Variants in PROCA1 observed in about 807,000 individuals in gnomAD.
PROCA1 encodes the protein protein interacting with cyclin A1.
A neutral mutation model predicts 23.2 loss-of-function variants in PROCA1; 22 were observed. The ratio of observed to expected loss-of-function variants is 0.95; its 90% CI spans 0.68 to 1.35. The LOEUF is 1.35. Ranked by LOEUF, PROCA1 falls within the 40% of genes most tolerant of loss-of-function variation. The pLI is 0.00. For missense variants in PROCA1, 469 were observed against 459.8 expected, an observed-to-expected ratio of 1.02 and a Z score of -0.18; for synonymous variants, 182 against 179.2, an observed-to-expected ratio of 1.02 and a Z score of -0.12.
At chr17:28,711,403 C>T in intron 1 of PROCA1, 167 bp downstream of exon 1, 2 of 501,614 alleles carry the variant, frequency 4.0e-6, no homozygotes, top group Non-Finnish European at 6.2e-6. Context: ...CCGCCCCCGG[C>T]CCTAGCTCCG....
chr17:28,703,341 G>T lies in PROCA1; in HGVS notation c.*217C>A. On this transcript the variant is annotated 3_prime_UTR_variant, in exon 5 of 5. Coordinates refer to ENST00000682792, the MANE Select transcript of PROCA1 (RefSeq NM_001366301.1). ...AGATACACTCTTCCACCTTGTCCTA[G>T]CAGGTAGGAAGAAATAGGGCTGTGC... 1 of 580,438 alleles carries T rather than the reference G, an allele frequency of 1.7e-6. No homozygotes were observed. The highest frequency in any genetic ancestry group is 2.9e-5 in the East Asian group (1 of 34,778). 36.0% of individuals were successfully genotyped at this position (580,438 alleles called of 1,614,324 possible). A position where few individuals can be genotyped will look rare whatever the true frequency, so the allele number is the denominator to read the frequency against.
At chr17:28,708,731 G>GAAAAAAAAAAAAAC (rs2032639794) in intron 1 of PROCA1, among the ~76,000 whole-genome samples, 1 of 100,980 alleles carries the variant, frequency 9.9e-6, no homozygotes, top group African/African-American at 3.7e-5. Context: ...CCAGAAAAAG[G>GAAAAAAAAAAAAAC]AAAAAAAAAA....
In PROCA1 at chr17:28,711,215, C is replaced by T. The variant is rs78189416; in HGVS notation, c.91+355G>A. 6,403 of 1,105,566 alleles carry T rather than the reference C, an allele frequency of 5.8e-3. 25 individuals carry two copies. Among genetic ancestry groups the T allele is most frequent in the Non-Finnish European group, 6.7e-3 (5,799 of 867,020 alleles). The allele number at this position is 1,105,566 out of a possible 1,614,324, so 68.5% of individuals were successfully genotyped here. Reference sequence around the variant, plus strand: ...CCCGGCGTCCGGGTGGGCGCTGGTCCACGGGCTCCAGCCAAGGCCGGCGCT... The same window carrying T: ...CCCGGCGTCCGGGTGGGCGCTGGTCTACGGGCTCCAGCCAAGGCCGGCGCT... On this transcript the variant is annotated intron_variant, in intron 1 of 4. Coordinates refer to ENST00000682792, the MANE Select transcript of PROCA1 (RefSeq NM_001366301.1).
chr17:28,709,121 G>C (rs949746862), intron 1 of PROCA1, among the ~76,000 whole-genome samples: 2 of 152,334 alleles, frequency 1.3e-5, no homozygotes, highest in African/African-American at 2.4e-5. Flanking sequence ...GTAGAAGTAG[G>C]ATTCAAACCC....
intron 2 of PROCA1, chr17:28,706,401 G>A (rs2032475840): frequency 4.6e-6 from 1 of 215,130 alleles, no homozygotes; most frequent in African/African-American, 2.3e-5. Flanking sequence ...CACAAAATGG[G>A]ATGGTGGTCA....
rs1301436127 is a variant in PROCA1 at position 28,704,297 on chromosome 17, GCTCA to G, written c.440+6_440+9del. 6.2e-7 allele frequency: 1 copy of G among 1,608,812 alleles called. No individual in the cohort carries two copies. The highest frequency in any genetic ancestry group is 2.2e-5 in the East Asian group (1 of 44,822). On this transcript the variant is annotated splice_donor_region_variant and intron_variant, in intron 4 of 4. Coordinates refer to ENST00000682792, the MANE Select transcript of PROCA1 (RefSeq NM_001366301.1). ...GCCCCTTCCCCATCAGCCCACCGGG[GCTCA>G]CTCACCAGCCATACCGGAATCGCTC...
chr17:28,704,067 C>T lies in PROCA1; in HGVS notation c.586G>A (p.Ala196Thr), dbSNP rs745819940. ...ATGCTGGTGCCTAGGTCAGGGGAGG[C>T]GGTGGCGGGCCCCACCTGTGTCGGG... The part of the protein sequence containing the change: ...PIPTQVGPAT[A>T]SPDLGTSMAT... The change falls in exon 5 of 5, where the codon GCC (alanine) becomes ACC (threonine). Residue 196 changes from alanine (A) to threonine (T), a missense_variant. By Grantham distance (58) the Ala-to-Thr change is moderately conservative (BLOSUM62 0). Transcript: ENST00000682792. 1.2e-5 allele frequency: 19 copies of T among 1,599,884 alleles called. No individual in the cohort carries two copies. Among genetic ancestry groups the T allele is most frequent in the African/African-American group, 2.7e-5 (2 of 73,970 alleles).
intron 1 of PROCA1, 78 bp from the exon 2 acceptor site, chr17:28,706,841 C>T (rs958904185): frequency 1.6e-5 from 20 of 1,284,606 alleles, no homozygotes; most frequent in Middle Eastern, 2.1e-4. Flanking sequence ...CCCCGAGAAA[C>T]TCCACATGTC....
At chr17:28,706,605 A>G in intron 2 of PROCA1, 75 bp downstream of exon 2, 1 of 1,090,844 alleles carries the variant, frequency 9.2e-7, no homozygotes, top group Non-Finnish European at 1.3e-6. Flanking sequence ...CTCAGGACCA[A>G]GCTTCCACCA....
intron 1 of PROCA1, chr17:28,711,126 C>T: frequency 3.4e-6 from 4 of 1,184,034 alleles, no homozygotes; most frequent in Non-Finnish European, 2.1e-6. Flanking sequence ...AATTGTGATG[C>T]CACGGGTGGA....
At chr17:28,708,731 G>GAAAAAAAAAAAAAAA (rs557817689) in intron 1 of PROCA1, among the ~76,000 whole-genome samples, 84 of 100,964 alleles carry the variant, frequency 8.3e-4, no homozygotes, top group African/African-American at 2.1e-3. Context: ...CCAGAAAAAG[G>GAAAAAAAAAAAAAAA]AAAAAAAAAA....
At chr17:28,710,821 T>A (rs1019235557) in intron 1 of PROCA1, 170 of 1,304,050 alleles carry the variant, frequency 1.3e-4, no homozygotes, top group Non-Finnish European at 1.7e-4. Flanking sequence ...TTATGGCGTC[T>A]TTCCCCGTGA....
intron 1 of PROCA1, 57 bp downstream of exon 1, chr17:28,711,513 T>C (rs1332174296): frequency 1.4e-6 from 2 of 1,447,106 alleles, no homozygotes; most frequent in African/African-American, 2.9e-5. Flanking sequence ...CGTGCGCCGC[T>C]CGGGGTCTGC....
In PROCA1 at chr17:28,703,984, G is replaced by C; in HGVS notation, c.669C>G (p.Pro223=). The part of the protein sequence containing the change: ...APITIWRSES[P]TGKGQGSKVI... ...CCTTGCTGCCCTGACCCTTCCCTGTGGGGCTCTCAGAGCGCCAGATGGTGA... is the reference window on the plus strand; with the variant it reads ...CCTTGCTGCCCTGACCCTTCCCTGTCGGGCTCTCAGAGCGCCAGATGGTGA... Residue 223 remains proline (P), a synonymous_variant, in exon 5 of 5, where the codon CCC becomes CCG. Coordinates refer to ENST00000682792, the MANE Select transcript of PROCA1 (RefSeq NM_001366301.1). 6.2e-7 allele frequency: 1 copy of C among 1,610,324 alleles called. No homozygotes were observed. The highest frequency in any genetic ancestry group is 8.5e-7 in the Non-Finnish European group (1 of 1,178,460).
intron 1 of PROCA1, chr17:28,710,810 C>CT (rs1184225547): frequency 7.7e-7 from 1 of 1,303,974 alleles, no homozygotes; most frequent in Admixed American, 2.3e-5. Context: ...AAGTGGGAGG[C>CT]TTATGGCGTC....
In PROCA1 at chr17:28,703,667, C is replaced by T. The variant is rs747419432; in HGVS notation, c.986G>A (p.Arg329Lys). The change falls in exon 5 of 5, where the codon AGG becomes AAG. Residue 329 changes from arginine to lysine, a missense_variant. Arg to Lys is a conservative substitution (Grantham distance 26). Transcript: ENST00000682792. ...GGCCTGGACTGTGTTCTCTCTCTTCCTGGGCGATGATGATTCCACAATATC... is the reference window on the plus strand; with the variant it reads ...GGCCTGGACTGTGTTCTCTCTCTTCTTGGGCGATGATGATTCCACAATATC... The part of the protein sequence containing the change: ...SEDIVESSSP[R>K]KRENTVQAKK... The T allele has an allele frequency of 1.1e-5, 17 of 1,614,108 alleles. No homozygotes were observed. The highest frequency in any genetic ancestry group is 2.2e-5 in the East Asian group (1 of 44,890).
rs1207660208 is a variant in PROCA1, at chr17:28,703,560, AACTGAGGTTG to A, written c.1083_1092del (p.Asn362GlufsTer74). Reference sequence around the variant, plus strand: ...TCTGCACCCTGACCACCCTGGCCTCAACTGAGGTTGGGGTTTGATCCTGGGGGAGATTTTC... The same window carrying A: ...TCTGCACCCTGACCACCCTGGCCTCAGGGTTTGATCCTGGGGGAGATTTTC... On this transcript the variant is annotated frameshift_variant, in exon 5 of 5. Transcript: ENST00000682792. LOFTEE classifies it high-confidence loss of function. 1 of 1,613,034 alleles carries A rather than the reference AACTGAGGTTG, an allele frequency of 6.2e-7. No homozygotes were observed. The highest frequency in any genetic ancestry group is 2.2e-5 in the East Asian group (1 of 44,870).
At chr17:28,710,978 T>TGGGAAGGGAGGGAAGGAGTACGGC in intron 1 of PROCA1, 2 of 312,616 alleles carry the variant, frequency 6.4e-6, no homozygotes, top group Middle Eastern at 4.6e-4. Context: ...AGGAGTAGGG[T>TGGGAAGGGAGGGAAGGAGTACGGC]GGGAAGGGAG....
At chr17:28,708,163 C>T (rs1453274408) in intron 1 of PROCA1, among the ~76,000 whole-genome samples, 3 of 152,170 alleles carry the variant, frequency 2.0e-5, no homozygotes, top group Admixed American at 2.0e-4. Flanking sequence ...GTGCACGCCA[C>T]CACACCTGGC....
Sources: allele counts gnomAD v4.1 joint callset (sites outside exome capture counted in the v4.1 genomes callset), GRCh38; gene constraint gnomAD v4.1.1; transcripts MANE v1.5; gene names NCBI Gene and HGNC (gene_info 2026-07-23, HGNC 2026-07-21).